Variants in MSH3 observed in about 807,000 individuals in gnomAD.
The protein encoded by MSH3 is mutS homolog 3, also known as DNA mismatch repair protein Msh3.
In MSH3, 106 loss-of-function variants were observed where a neutral mutation model predicts 123.3. The observed-to-expected ratio is 0.86, with a 90% CI of 0.73 to 1.01. The LOEUF (loss-of-function observed/expected upper bound fraction) is 1.01, where lower values mean the gene tolerates loss of function less well. Among genes scored for constraint, MSH3 ranks in the 50% least tolerant of loss-of-function variants. The probability of loss-of-function intolerance (pLI) is 0.00; values close to 1 mark genes in which losing one functional copy is unlikely to be tolerated. For missense variants in MSH3, 1,459 were observed against 1,347.6 expected (o/e 1.08, Z -1.29); for synonymous variants, 515 against 481.4 (o/e 1.07, Z -0.91).
At chr5:80,795,124 T>C (rs1744674907) in intron 19 of MSH3, among the ~76,000 whole-genome samples, 1 of 152,174 alleles carries the variant, frequency 6.6e-6, no homozygotes, top group Non-Finnish European at 1.5e-5. Flanking sequence ...GAGCTGGGAC[T>C]GTAACAGAGT....
intron 8 of MSH3, among the ~76,000 whole-genome samples, chr5:80,694,760 C>T (rs1444200553): frequency 6.6e-6 from 1 of 151,978 alleles, no homozygotes; most frequent in Non-Finnish European, 1.5e-5. Flanking sequence ...TCTGGGTTGA[C>T]AATTATTTTT....
rs1750119446 is a variant in MSH3, at chr5:80,687,490, A to ACTGGCATAGC, written c.1340+8399_1340+8408dup. Among the ~76,000 whole-genome samples, 3 of 152,320 alleles carry ACTGGCATAGC rather than the reference A, an allele frequency of 2.0e-5. No homozygotes were observed. In the South Asian group the frequency reaches 6.2e-4, roughly 32 times the overall value. On this transcript the variant is annotated intron_variant, in intron 8 of 23. Transcript: ENST00000265081. ...TCAAAGAAATGAGAGCTTCCTGAGC[A>ACTGGCATAGC]CTGGCATAGCCAAGGAAGGCTGTAT...
chr5:80,657,495 T>C (rs974097880), intron 2 of MSH3, among the ~76,000 whole-genome samples: 3 of 152,126 alleles, frequency 2.0e-5, no homozygotes, highest in African/African-American at 7.2e-5. Flanking sequence ...CCAGCCTGCC[T>C]GAGTGCCTGA....
intron 4 of MSH3, among the ~76,000 whole-genome samples, chr5:80,671,966 C>T (rs1200785368): frequency 6.8e-6 from 1 of 147,648 alleles, no homozygotes; most frequent in Non-Finnish European, 1.5e-5. Context: ...GTAGGGAAAG[C>T]TCTAAGGATG....
At chr5:80,703,877 C>T (rs1047379905) in intron 8 of MSH3, among the ~76,000 whole-genome samples, 3 of 151,866 alleles carry the variant, frequency 2.0e-5, no homozygotes, top group African/African-American at 7.3e-5. Flanking sequence ...AGAGAGTGGG[C>T]AGCCTGATTT....
intron 1 of MSH3, chr5:80,655,232 C>T (rs936998949): frequency 1.8e-5 from 6 of 333,882 alleles, no homozygotes; most frequent in Non-Finnish European, 3.2e-5. Context: ...CTCCTGACTC[C>T]CATTCTGATG....
chr5:80,747,400 T>C (rs1743741866), intron 12 of MSH3, among the ~76,000 whole-genome samples: 1 of 152,088 alleles, frequency 6.6e-6, no homozygotes, highest in Admixed American at 6.6e-5. Context: ...AGAGAGAAAA[T>C]ATGCCAGGCA....
chr5:80,707,588 C>T (rs1750753090), intron 8 of MSH3, among the ~76,000 whole-genome samples: 2 of 151,906 alleles, frequency 1.3e-5, no homozygotes, highest in Admixed American at 6.6e-5. Context: ...CCCAAAAAGC[C>T]AGATGTGGTG....
At chr5:80,762,778 T>A (rs1012590691) in intron 13 of MSH3, among the ~76,000 whole-genome samples, 2 of 127,974 alleles carry the variant, frequency 1.6e-5, no homozygotes, top group African/African-American at 3.0e-5. Flanking sequence ...TTATTTTAAT[T>A]TTTTATTTTA....
intron 10 of MSH3, among the ~76,000 whole-genome samples, chr5:80,737,008 C>A (rs1353385708): frequency 1.3e-5 from 2 of 152,142 alleles, no homozygotes; most frequent in African/African-American, 4.8e-5. Flanking sequence ...CTTGTAGACT[C>A]AACATACACC....
chr5:80,697,708 GAA>G (rs1355100365), intron 8 of MSH3, among the ~76,000 whole-genome samples: 1 of 151,762 alleles, frequency 6.6e-6, no homozygotes, highest in Non-Finnish European at 1.5e-5. Context: ...TTGTTTGAAT[GAA>G]AAAAAATCCA....
chr5:80,746,508 T>G lies in MSH3; in HGVS notation c.1763+1893T>G, dbSNP rs1248113160. 8.0e-6 allele frequency: 4 copies of G among 497,474 alleles called. 1 individual carries two copies. Among genetic ancestry groups the G allele is most frequent in the Non-Finnish European group, 1.6e-5 (4 of 247,360 alleles). The allele number at this position is 497,474 out of a possible 1,614,324, so 30.8% of individuals were successfully genotyped here. On this transcript the variant is annotated intron_variant, in intron 12 of 23. Coordinates refer to ENST00000265081, the MANE Select transcript of MSH3 (RefSeq NM_002439.5). ...GCAAACCTTTGATGTCTAAGTAGTTTGCAGGCAGAAGTAGTACAAAAAGTA... is the reference window on the plus strand; with the variant it reads ...GCAAACCTTTGATGTCTAAGTAGTTGGCAGGCAGAAGTAGTACAAAAAGTA...
At chr5:80,709,004 A>G (rs1471580544) in intron 8 of MSH3, among the ~76,000 whole-genome samples, 1 of 152,114 alleles carries the variant, frequency 6.6e-6, no homozygotes, top group Non-Finnish European at 1.5e-5. Context: ...CAAACTCCTG[A>G]CTTCAACTGA....
rs139893699 is a variant in MSH3, at chr5:80,703,180, A to G, written c.1341-22273A>G. Reference sequence around the variant, plus strand: ...GACAGGTTTAGGAATGTACATTTGAATTGTGGTTCTGACTGAAACATTGGG... The same window carrying G: ...GACAGGTTTAGGAATGTACATTTGAGTTGTGGTTCTGACTGAAACATTGGG... On this transcript the variant is annotated intron_variant, in intron 8 of 23. Coordinates refer to ENST00000265081, the MANE Select transcript of MSH3 (RefSeq NM_002439.5). Among the ~76,000 whole-genome samples the G allele has an allele frequency of 1.7e-3, 261 of 152,330 alleles. 2 individuals are homozygous for G. The highest frequency in any genetic ancestry group is 6.0e-3 in the African/African-American group (248 of 41,576).
Position 80,775,777 on chromosome 5 carries a change from T to G in MSH3, c.2318+19T>G, listed in dbSNP as rs2112890253. 6.8e-7 allele frequency: 1 copy of G among 1,466,846 alleles called. No homozygotes were observed. The allele number at this position is 1,466,846 out of a possible 1,614,324, so 90.9% of individuals were successfully genotyped here. A position where few individuals can be genotyped will look rare whatever the true frequency, so the allele number is the denominator to read the frequency against. The stretch of plus-strand genomic sequence containing the variant: ...TTGGAAGGTAGGTTTAAAATAAATT[T>G]TTTTCTTACAATGCATTATGATGAC... On this transcript the variant is annotated intron_variant, in intron 16 of 23. Transcript: ENST00000265081.
chr5:80,872,291 C>T lies in MSH3; in HGVS notation c.3131-825C>T, dbSNP rs1746227005. Reference sequence around the variant, plus strand: ...TCGAGAGCAGCCTGGGCAACATGGCCAAAACCCCATCTCTACAAAAAAAAA... The same window carrying T: ...TCGAGAGCAGCCTGGGCAACATGGCTAAAACCCCATCTCTACAAAAAAAAA... On this transcript the variant is annotated intron_variant, in intron 22 of 23. Coordinates refer to ENST00000265081, the MANE Select transcript of MSH3 (RefSeq NM_002439.5). Among the ~76,000 whole-genome samples, 4 of 150,056 alleles carry T rather than the reference C, an allele frequency of 2.7e-5. No individual in the cohort carries two copies. In the South Asian group the frequency reaches 8.5e-4, roughly 32 times the overall value.
chr5:80,730,109 C>T (rs1474451070), intron 10 of MSH3, among the ~76,000 whole-genome samples: 2 of 152,118 alleles, frequency 1.3e-5, no homozygotes, highest in East Asian at 3.9e-4. Flanking sequence ...GCAACTTTAT[C>T]CTATTTAAAA....
At chr5:80,823,621 A>ATT (rs137874725) in intron 20 of MSH3, among the ~76,000 whole-genome samples, 24 of 151,082 alleles carry the variant, frequency 1.6e-4, no homozygotes, top group East Asian at 9.7e-4. Flanking sequence ...TGCACATTAA[A>ATT]TTTTTTTTTT....
chr5:80,686,787 A>C (rs1014961336), intron 8 of MSH3, among the ~76,000 whole-genome samples: 106 of 152,280 alleles, frequency 7.0e-4, no homozygotes, highest in Non-Finnish European at 8.5e-4. Flanking sequence ...TTCTTATGCT[A>C]TATACCTAAA....
Sources: allele counts gnomAD v4.1 joint callset (sites outside exome capture counted in the v4.1 genomes callset), GRCh38; gene constraint gnomAD v4.1.1; transcripts MANE v1.5; gene names NCBI Gene and HGNC (gene_info 2026-07-23, HGNC 2026-07-21).